The following WDR27 variants were observed in gnomAD, a reference collection of about 807,000 sequenced individuals.
The protein encoded by WDR27 is WD repeat domain 27.
WDR27 carries 100 observed loss-of-function variants against 114.4 expected under a neutral mutation model. The observed-to-expected ratio is 0.87, with a 90% CI of 0.74 to 1.03. The LOEUF (loss-of-function observed/expected upper bound fraction) is 1.03. Ranked by LOEUF, WDR27 falls within the 50% of genes least tolerant of loss-of-function variation. The probability of loss-of-function intolerance (pLI) is 0.00; values close to 1 mark genes in which losing one functional copy is unlikely to be tolerated. For missense variants in WDR27, 1,129 were observed against 1,092.9 expected (o/e 1.03, Z -0.47); for synonymous variants, 449 against 423.1 (o/e 1.06, Z -0.75).
rs539017171 is a variant in WDR27 at position 169,637,904 on chromosome 6, G to A, written c.1869+635C>T. On this transcript the variant is annotated intron_variant, in intron 18 of 25. Transcript: ENST00000448612. Reference sequence around the variant, plus strand: ...TGCGTATGTGTATGCATCTATATGCGTGTGCCTCTTACATGCATGTGAATA... The same window carrying A: ...TGCGTATGTGTATGCATCTATATGCATGTGCCTCTTACATGCATGTGAATA... Among the ~76,000 whole-genome samples, 15 of 151,672 alleles carry A rather than the reference G, an allele frequency of 9.9e-5. No individual in the cohort carries two copies. The South Asian group carries it at 2.3e-3, about 23-fold the overall frequency.
chr6:169,509,578 T>A (rs1271491294), intron 25 of WDR27, among the ~76,000 whole-genome samples: 1 of 151,820 alleles, frequency 6.6e-6, no homozygotes. Context: ...GCTAGCCATA[T>A]GTAGAAAGCT....
intron 25 of WDR27, among the ~76,000 whole-genome samples, chr6:169,566,908 A>T (rs889597429): frequency 6.6e-6 from 1 of 152,190 alleles, no homozygotes; most frequent in African/African-American, 2.4e-5. Flanking sequence ...AACTGTAAAA[A>T]CAAAATTAAT....
chr6:169,611,634 A>T (rs1211887957), intron 22 of WDR27, among the ~76,000 whole-genome samples: 1 of 152,142 alleles, frequency 6.6e-6, no homozygotes, highest in Non-Finnish European at 1.5e-5. Flanking sequence ...TTATTTCTTT[A>T]TATTCTTACT....
At chr6:169,535,861 A>T (rs1156532033) in intron 25 of WDR27, among the ~76,000 whole-genome samples, 1 of 152,232 alleles carries the variant, frequency 6.6e-6, no homozygotes, top group Non-Finnish European at 1.5e-5. Context: ...TTTAGCTCTG[A>T]CACCCAGTGT....
intron 25 of WDR27, among the ~76,000 whole-genome samples, chr6:169,565,456 AT>A (rs1175699853): frequency 6.6e-6 from 1 of 151,980 alleles, no homozygotes; most frequent in African/African-American, 2.4e-5. Context: ...CTGAAGTCTC[AT>A]CCCCTAAAAA....
chr6:169,512,600 T>C (rs1163454460), intron 25 of WDR27, among the ~76,000 whole-genome samples: 1 of 152,232 alleles, frequency 6.6e-6, no homozygotes. Flanking sequence ...TCAATCCTAC[T>C]GGCTTTCTAA....
chr6:169,500,537 C>T (rs1791045599), intron 25 of WDR27, among the ~76,000 whole-genome samples: 1 of 152,182 alleles, frequency 6.6e-6, no homozygotes. Context: ...TGGTCTACGA[C>T]CGAGAAGGCA....
downstream of WDR27, among the ~76,000 whole-genome samples, chr6:169,452,738 G>C (rs778727295): frequency 3.3e-5 from 5 of 152,282 alleles, no homozygotes; most frequent in Non-Finnish European, 7.3e-5. Context: ...ACAGAAGCCT[G>C]AGAGGCCACG....
intron 25 of WDR27, among the ~76,000 whole-genome samples, chr6:169,572,182 A>C (rs1801531219): frequency 6.6e-6 from 1 of 152,246 alleles, no homozygotes; most frequent in African/African-American, 2.4e-5. Flanking sequence ...TACAGCAATC[A>C]TTAGGTAAAA....
At chr6:169,524,357 A>T (rs1794723586) in intron 25 of WDR27, among the ~76,000 whole-genome samples, 1 of 152,214 alleles carries the variant, frequency 6.6e-6, no homozygotes, top group South Asian at 2.1e-4. Context: ...AATTCTACCC[A>T]AAGTAACTTA....
chr6:169,574,066 T>C (rs539247379), intron 24 of WDR27, among the ~76,000 whole-genome samples: 2 of 152,276 alleles, frequency 1.3e-5, no homozygotes, highest in South Asian at 4.1e-4. Context: ...AAACTGAAGC[T>C]GACAACGCAT....
chr6:169,544,552 C>T (rs1219082049), intron 25 of WDR27, among the ~76,000 whole-genome samples: 1 of 151,938 alleles, frequency 6.6e-6, no homozygotes, highest in Non-Finnish European at 1.5e-5. Context: ...AATCCTCTTA[C>T]CTCAGCCTTC....
intron 21 of WDR27, among the ~76,000 whole-genome samples, chr6:169,624,618 C>T (rs1452838656): frequency 6.6e-6 from 1 of 152,160 alleles, no homozygotes; most frequent in African/African-American, 2.4e-5. Flanking sequence ...CCCAAGTTCT[C>T]TAATAACTAA....
the WDR27 span, among the ~76,000 whole-genome samples, chr6:169,431,444 C>T: frequency 6.6e-6 from 1 of 152,182 alleles, no homozygotes; most frequent in Non-Finnish European, 1.5e-5. Context: ...TCTGCTTTCC[C>T]AGGTCACCTT....
At chr6:169,700,292 C>A (rs1019299761) in intron 1 of WDR27, among the ~76,000 whole-genome samples, 4 of 152,206 alleles carry the variant, frequency 2.6e-5, no homozygotes. Context: ...TTGCACTAGG[C>A]ACCTTGACAA....
At chr6:169,486,736 C>T (rs1402203679) in intron 25 of WDR27, among the ~76,000 whole-genome samples, 4 of 152,136 alleles carry the variant, frequency 2.6e-5, no homozygotes, top group African/African-American at 7.2e-5. Context: ...ATGATCCACC[C>T]GCCTCAGCCC....
chr6:169,613,420 T>C (rs1327374496), intron 22 of WDR27, 139 bp downstream of exon 22: 2 of 637,540 alleles, frequency 3.1e-6, no homozygotes, highest in Non-Finnish European at 5.2e-6. Context: ...GAGCTAACTT[T>C]TCTGTGCATA....
intron 25 of WDR27, among the ~76,000 whole-genome samples, chr6:169,459,249 T>C (rs1784631427): frequency 1.3e-5 from 2 of 151,920 alleles, no homozygotes; most frequent in Admixed American, 6.5e-5. Context: ...AATGGAAATA[T>C]CAATAAAAAG....
At chr6:169,528,889 CAT>C (rs1248895726) in intron 25 of WDR27, among the ~76,000 whole-genome samples, 2 of 152,144 alleles carry the variant, frequency 1.3e-5, no homozygotes, top group South Asian at 2.1e-4. Flanking sequence ...AGAAGATACA[CAT>C]GTTGGCCCAA....
Sources: gnomAD v4.1 joint callset for allele counts (sites outside exome capture counted in the v4.1 genomes callset) on GRCh38, gnomAD v4.1.1 for gene constraint, MANE v1.5 for transcripts, NCBI Gene and HGNC (gene_info 2026-07-23, HGNC 2026-07-21) for gene names.